Variants in FZD3 observed in about 807,000 individuals in gnomAD.
The protein encoded by FZD3 is frizzled-3.
Under a neutral mutation model 60.7 loss-of-function variants are expected in FZD3, and 30 were observed. The ratio of observed to expected loss-of-function variants is 0.49; its 90% CI spans 0.37 to 0.67. FZD3 has a LOEUF of 0.67. FZD3 is among the 30% of genes least tolerant of loss of function. The pLI is 0.00. For synonymous variants in FZD3, 246 were observed against 275.2 expected (o/e 0.89, Z 1.05); for missense variants, 605 against 838.7 (o/e 0.72, Z 3.44).
At position 28,552,591 on chromosome 8, in the gene FZD3, A is replaced by G. The variant is rs541875257; in HGVS notation, c.1553+840A>G. ...TATGATTTTACTTAATCTAGGATCC[A>G]TGGAAGAATGATTTTTTTGTGGGTA... On this transcript the variant is annotated intron_variant, in intron 6 of 7. Transcript: ENST00000240093. Among the ~76,000 whole-genome samples, 17 of 152,318 alleles carry G rather than the reference A, an allele frequency of 1.1e-4. No homozygotes were observed. In the East Asian group the frequency reaches 2.9e-3, roughly 26 times the overall value.
Position 28,571,878 on chromosome 8 carries a change from G to A in FZD3, c.*8867G>A, listed in dbSNP as rs942335862. The A allele has an allele frequency of 1.2e-4, 18 of 152,044 alleles. No individual in the cohort carries two copies. Among genetic ancestry groups the A allele is most frequent in the East Asian group, 3.9e-4 (2 of 5,178 alleles). The allele number at this position is 152,044 out of a possible 1,614,324, so 9.4% of individuals were successfully genotyped here. ...TTAATAGAACAATGGAAGCTGTTTC[G>A]TCAAAATTAAAATACTTTACCAAAA... On this transcript the variant is annotated 3_prime_UTR_variant, in exon 8 of 8. Coordinates refer to ENST00000240093, the MANE Select transcript of FZD3 (RefSeq NM_017412.4).
intron 5 of FZD3, among the ~76,000 whole-genome samples, chr8:28,530,906 A>G (rs1268955724): frequency 6.6e-6 from 1 of 152,318 alleles, no homozygotes; most frequent in East Asian, 1.9e-4. Context: ...TTATTTTAAT[A>G]CTGCAACTCT....
intron 5 of FZD3, among the ~76,000 whole-genome samples, chr8:28,547,036 T>TC (rs1157800737): frequency 2.6e-5 from 4 of 152,216 alleles, no homozygotes; most frequent in African/African-American, 9.6e-5. Flanking sequence ...GGGAAAAGTC[T>TC]CCCTTCTATC....
chr8:28,535,518 T>C (rs1161659319), intron 5 of FZD3, among the ~76,000 whole-genome samples: 1 of 152,216 alleles, frequency 6.6e-6, no homozygotes, highest in African/African-American at 2.4e-5. Flanking sequence ...CTTGGCCTCC[T>C]CTTGGCTATG....
At chr8:28,503,418 ACTTT>A (rs1804052112) in intron 3 of FZD3, among the ~76,000 whole-genome samples, 1 of 152,224 alleles carries the variant, frequency 6.6e-6, no homozygotes, top group Non-Finnish European at 1.5e-5. Context: ...TAGACATTAT[ACTTT>A]TATAAAGAAA....
chr8:28,504,706 C>T (rs781123418), intron 3 of FZD3, among the ~76,000 whole-genome samples: 40 of 152,286 alleles, frequency 2.6e-4, no homozygotes, highest in Admixed American at 3.9e-4. Context: ...ATGCATCATA[C>T]GCAATAGGTG....
chr8:28,560,784 A>G (rs1805599083), intron 7 of FZD3, among the ~76,000 whole-genome samples: 1 of 152,176 alleles, frequency 6.6e-6, no homozygotes, highest in South Asian at 2.1e-4. Flanking sequence ...ATAATCTTCT[A>G]CTCAGTTTTA....
chr8:28,510,622 C>A (rs1436299748), intron 3 of FZD3, among the ~76,000 whole-genome samples: 1 of 152,148 alleles, frequency 6.6e-6, no homozygotes, highest in Admixed American at 6.5e-5. Context: ...AGAGACAAAG[C>A]AGTTCAAGCC....
At chr8:28,551,804 T>C in intron 6 of FZD3, 53 bp downstream of exon 6, 1 of 1,412,962 alleles carries the variant, frequency 7.1e-7, no homozygotes, top group South Asian at 1.3e-5. Flanking sequence ...TTACGTAAAT[T>C]TTTTTGTGTT....
rs974611938 is a variant in FZD3 at position 28,566,387 on chromosome 8, T to C, written c.*3376T>C. The C allele has an allele frequency of 6.6e-6, 1 of 152,174 alleles. No homozygotes were observed. The highest frequency in any genetic ancestry group is 1.5e-5 in the Non-Finnish European group (1 of 67,994). 9.4% of individuals were successfully genotyped at this position (152,174 alleles called of 1,614,324 possible). Reference sequence around the variant, plus strand: ...GATTCTTAGAAGTGAGTAATTAGACTCCTTTTAGTCTTATGCTGTTAGATC... The same window carrying C: ...GATTCTTAGAAGTGAGTAATTAGACCCCTTTTAGTCTTATGCTGTTAGATC... On this transcript the variant is annotated 3_prime_UTR_variant, in exon 8 of 8. Coordinates refer to ENST00000240093, the MANE Select transcript of FZD3 (RefSeq NM_017412.4).
At chr8:28,517,955 G>A (rs964420049) in intron 3 of FZD3, among the ~76,000 whole-genome samples, 24 of 152,174 alleles carry the variant, frequency 1.6e-4, no homozygotes, top group African/African-American at 5.8e-4. Context: ...TAAAATATTA[G>A]TGAGATCCCA....
At chr8:28,548,219 C>A (rs528801495) in intron 5 of FZD3, among the ~76,000 whole-genome samples, 51 of 93,706 alleles carry the variant, frequency 5.4e-4, no homozygotes, top group African/African-American at 2.2e-3. Flanking sequence ...CCATCTCTCT[C>A]CTTGAAATAA....
intron 1 of FZD3, among the ~76,000 whole-genome samples, chr8:28,499,717 A>C (rs1277411677): frequency 6.6e-6 from 1 of 152,118 alleles, no homozygotes; most frequent in Non-Finnish European, 1.5e-5. Flanking sequence ...TCTGGTTGGC[A>C]AAAAATCTTA....
Position 28,529,446 on chromosome 8 carries a change from G to A in FZD3, c.1404+1282G>A, listed in dbSNP as rs116116038. 3.9e-3 allele frequency among the ~76,000 whole-genome samples: 598 copies of A among 152,120 alleles called. 8 individuals carry two copies. Among genetic ancestry groups the A allele is most frequent in the African/African-American group, 0.014 (580 of 41,502 alleles). On this transcript the variant is annotated intron_variant, in intron 5 of 7. Transcript: ENST00000240093. Reference sequence around the variant, plus strand: ...CCTATTACTATACTCTGAACTCTTCGCAAGAAGAACTTTTTTGTTTTTTAA... The same window carrying A: ...CCTATTACTATACTCTGAACTCTTCACAAGAAGAACTTTTTTGTTTTTTAA...
intron 5 of FZD3, among the ~76,000 whole-genome samples, chr8:28,534,054 A>G (rs1489645925): frequency 6.6e-6 from 1 of 152,370 alleles, no homozygotes; most frequent in East Asian, 1.9e-4. Context: ...TCAAATAGAT[A>G]GTATGGCTTC....
intron 5 of FZD3, chr8:28,530,451 G>C (rs1804839837): frequency 6.6e-6 from 1 of 152,074 alleles, no homozygotes; most frequent in South Asian, 2.1e-4. Flanking sequence ...GATGTCTTCT[G>C]ATCTCGGAAG....
Position 28,510,287 on chromosome 8 carries a change from G to A in FZD3, c.189+7085G>A, listed in dbSNP as rs993170410. ...GTTTCTGGTCTTTTACTGTTACAAT[G>A]TTGCAAGTGTGTTTTCACATTTTGA... On this transcript the variant is annotated intron_variant, in intron 3 of 7. Coordinates refer to ENST00000240093, the MANE Select transcript of FZD3 (RefSeq NM_017412.4). 1.7e-4 allele frequency among the ~76,000 whole-genome samples: 26 copies of A among 152,116 alleles called. 1 individual carries two copies. The highest frequency in any genetic ancestry group is 7.2e-4 in the Admixed American group (11 of 15,276).
At position 28,567,994 on chromosome 8, in the gene FZD3, A is replaced by C. The variant is rs951111133; in HGVS notation, c.*4983A>C. 1 of 152,146 alleles carries C rather than the reference A, an allele frequency of 6.6e-6. No homozygotes were observed. Among genetic ancestry groups the C allele is most frequent in the Non-Finnish European group, 1.5e-5 (1 of 68,010 alleles). 9.4% of individuals were successfully genotyped at this position (152,146 alleles called of 1,614,324 possible). On this transcript the variant is annotated 3_prime_UTR_variant, in exon 8 of 8. Coordinates refer to ENST00000240093, the MANE Select transcript of FZD3 (RefSeq NM_017412.4). ...ACCTCATTTTTTCTGATTGAGAAAA[A>C]GTTTTGAAAAAGTGATTCACTTGTT...
intron 5 of FZD3, among the ~76,000 whole-genome samples, chr8:28,548,380 AG>A (rs1421489219): frequency 6.6e-6 from 1 of 151,872 alleles, no homozygotes; most frequent in Non-Finnish European, 1.5e-5. Flanking sequence ...GGCGCGATGC[AG>A]CCTCTGCCTC....
Sources: gnomAD v4.1 joint callset for allele counts (sites outside exome capture counted in the v4.1 genomes callset) on GRCh38, gnomAD v4.1.1 for gene constraint, MANE v1.5 for transcripts, NCBI Gene and HGNC (gene_info 2026-07-23, HGNC 2026-07-21) for gene names.